Variants in SKP2 observed in about 807,000 individuals in gnomAD.
SKP2 encodes S-phase kinase associated protein 2, also known as S-phase kinase-associated protein 2.
A neutral mutation model predicts 51.8 loss-of-function variants in SKP2; 16 were observed. That is an observed-to-expected ratio of 0.31 (90% CI 0.21 to 0.47). The LOEUF is 0.47. Among genes scored for constraint, SKP2 ranks in the 20% least tolerant of loss-of-function variants. The pLI, the probability that SKP2 is intolerant of heterozygous loss-of-function variation, is 1.00. For synonymous variants in SKP2, 176 were observed against 198.6 expected, an observed-to-expected ratio of 0.89 and a Z score of 0.96; for missense variants, 377 against 505.3, an observed-to-expected ratio of 0.75 and a Z score of 2.43.
chr5:36,171,470 T>A (rs1403070789), intron 6 of SKP2, 133 bp from the exon 7 acceptor site: 4 of 841,686 alleles, frequency 4.8e-6, no homozygotes, highest in Non-Finnish European at 7.6e-6. Flanking sequence ...GTAGCTACTG[T>A]TAGAGAAGCA....
At chr5:36,155,474 C>T (rs528919048) in intron 2 of SKP2, among the ~76,000 whole-genome samples, 1 of 152,240 alleles carries the variant, frequency 6.6e-6, no homozygotes, top group South Asian at 2.1e-4. Flanking sequence ...CACAGGTCGT[C>T]GTGAAGATTA....
chr5:36,153,623 C>T (rs1474944575), intron 2 of SKP2, among the ~76,000 whole-genome samples: 1 of 152,130 alleles, frequency 6.6e-6, no homozygotes, highest in African/African-American at 2.4e-5. Context: ...CCCCCAACAT[C>T]CAGTCATTCA....
Position 36,183,895 on chromosome 5 carries a change from C to G in SKP2, c.*1864C>G. ...GTTGGACTCTGACATCGGATGCCCT[C>G]AAACATACAGAACTTCCAAACTCAA... On this transcript the variant is annotated 3_prime_UTR_variant, in exon 10 of 10. Transcript: ENST00000274255. The G allele has an allele frequency of 6.2e-7, 1 of 1,610,856 alleles. No homozygotes were observed. The highest frequency in any genetic ancestry group is 2.2e-5 in the East Asian group (1 of 44,806).
intron 3 of SKP2, among the ~76,000 whole-genome samples, chr5:36,164,696 G>T (rs1745231220): frequency 6.6e-6 from 1 of 152,148 alleles, no homozygotes; most frequent in Non-Finnish European, 1.5e-5. Context: ...CAAGTGGCAG[G>T]CAAGTTTCAC....
downstream of SKP2, among the ~76,000 whole-genome samples, chr5:36,187,353 G>C (rs993753744): frequency 9.2e-5 from 14 of 152,224 alleles, no homozygotes; most frequent in Non-Finnish European, 1.8e-4. Flanking sequence ...GATCTTTCCT[G>C]CTTTCTCTTG....
At chr5:36,191,805 C>T (rs1430111881) in intron 6 of SKP2, among the ~76,000 whole-genome samples, 5 of 152,050 alleles carry the variant, frequency 3.3e-5, no homozygotes, top group Non-Finnish European at 7.4e-5. Flanking sequence ...CTTTACTATT[C>T]CTCCCCACCT....
downstream of SKP2, among the ~76,000 whole-genome samples, chr5:36,184,473 C>T (rs1253930452): frequency 6.6e-6 from 1 of 152,086 alleles, no homozygotes; most frequent in African/African-American, 2.4e-5. Context: ...CAGGTGTTCT[C>T]GTTGTTCAAT....
At chr5:36,161,077 C>G (rs572993385) in intron 2 of SKP2, among the ~76,000 whole-genome samples, 2 of 152,032 alleles carry the variant, frequency 1.3e-5, no homozygotes, top group South Asian at 4.2e-4. Context: ...CACAGCACCC[C>G]GAATCCTACT....
chr5:36,154,224 G>A (rs983142630), intron 2 of SKP2, among the ~76,000 whole-genome samples: 1 of 152,064 alleles, frequency 6.6e-6, no homozygotes, highest in African/African-American at 2.4e-5. Context: ...GCCTCAATTG[G>A]ACAGTGACCT....
At position 36,170,950 on chromosome 5, in the gene SKP2, T is replaced by A. The variant is rs140397167; in HGVS notation, c.770+508T>A. 4.8e-3 allele frequency among the ~76,000 whole-genome samples: 737 copies of A among 152,306 alleles called. 2 individuals carry two copies. The highest frequency in any genetic ancestry group is 0.016 in the African/African-American group (659 of 41,554). Reference sequence around the variant, plus strand: ...TTTTTGGAATACACAGTACTAGGCATATGTGTGTTTTTTAAAAATATCCCT... The same window carrying A: ...TTTTTGGAATACACAGTACTAGGCAAATGTGTGTTTTTTAAAAATATCCCT... On this transcript the variant is annotated intron_variant, in intron 6 of 9. Coordinates refer to ENST00000274255, the MANE Select transcript of SKP2 (RefSeq NM_005983.4).
chr5:36,153,859 A>G (rs1023829509), intron 2 of SKP2, among the ~76,000 whole-genome samples: 9 of 152,244 alleles, frequency 5.9e-5, no homozygotes, highest in Admixed American at 3.9e-4. Context: ...GTGAACCAGA[A>G]CCCTGGAGTA....
intron 4 of SKP2, among the ~76,000 whole-genome samples, chr5:36,167,973 C>T (rs1745343648): frequency 6.6e-6 from 1 of 152,070 alleles, no homozygotes; most frequent in South Asian, 2.1e-4. Flanking sequence ...TTGCTGCTCA[C>T]CCACTCACCC....
At chr5:36,170,211 T>G (rs930024144) in intron 5 of SKP2, 133 bp from the exon 6 acceptor site, 5 of 501,096 alleles carry the variant, frequency 1.0e-5, no homozygotes, top group Middle Eastern at 6.1e-4. Context: ...GTCTGAGAGA[T>G]AGTGATATAC....
At chr5:36,153,065 G>A (rs1353248735) in intron 2 of SKP2, 23 bp downstream of exon 2, 2 of 1,605,972 alleles carry the variant, frequency 1.2e-6, no homozygotes, top group Non-Finnish European at 1.7e-6. Context: ...GGGTAAAAAT[G>A]TCAGTTATGC....
At chr5:36,164,258 A>G (rs1474042465) in intron 3 of SKP2, among the ~76,000 whole-genome samples, 6 of 152,158 alleles carry the variant, frequency 3.9e-5, no homozygotes, top group South Asian at 2.1e-4. Flanking sequence ...GGAGGAAACC[A>G]CTGGTTATGA....
chr5:36,159,942 A>G (rs1218171501), intron 2 of SKP2, among the ~76,000 whole-genome samples: 1 of 152,234 alleles, frequency 6.6e-6, no homozygotes, highest in Non-Finnish European at 1.5e-5. Flanking sequence ...AGCACTGAAA[A>G]GGTCATTGCA....
At chr5:36,186,987 G>A (rs190807679), downstream of SKP2, among the ~76,000 whole-genome samples, 112 of 152,178 alleles carry the variant, frequency 7.4e-4, 1 homozygote, top group South Asian at 3.1e-3. Flanking sequence ...TGTATGTGTC[G>A]AGGAATTTAT....
At chr5:36,172,398 A>G (rs1242925532) in intron 7 of SKP2, among the ~76,000 whole-genome samples, 1 of 152,228 alleles carries the variant, frequency 6.6e-6, no homozygotes, top group Non-Finnish European at 1.5e-5. Context: ...TAAAAACCTT[A>G]ATATTCAGTT....
intron 6 of SKP2, among the ~76,000 whole-genome samples, chr5:36,190,161 C>T (rs1199859096): frequency 6.6e-6 from 1 of 152,144 alleles, no homozygotes; most frequent in African/African-American, 2.4e-5. Context: ...TGACCCCTTT[C>T]ACTTCCCAGG....
Sources: gnomAD v4.1 joint callset for allele counts (sites outside exome capture counted in the v4.1 genomes callset) on GRCh38, gnomAD v4.1.1 for gene constraint, MANE v1.5 for transcripts, NCBI Gene and HGNC (gene_info 2026-07-23, HGNC 2026-07-21) for gene names.